The following DLG5 variants were observed in gnomAD, a reference collection of about 807,000 sequenced individuals.
DLG5 encodes the protein disks large homolog 5.
Under a neutral mutation model 189.8 loss-of-function variants are expected in DLG5, and 48 were observed. The observed-to-expected ratio is 0.25, with a 90% CI of 0.20 to 0.32. The LOEUF (loss-of-function observed/expected upper bound fraction) is 0.32. Among genes scored for constraint, DLG5 ranks in the 10% least tolerant of loss-of-function variants. The pLI, the probability that DLG5 is intolerant of heterozygous loss-of-function variation, is 1.00. For synonymous variants in DLG5, 1,016 were observed against 1,054.1 expected (o/e 0.96, Z 0.70); for missense variants, 2,160 against 2,544.7 (o/e 0.85, Z 3.25).
intron 7 of DLG5, among the ~76,000 whole-genome samples, chr10:77,838,593 G>C (rs1843263847): frequency 6.6e-6 from 1 of 152,196 alleles, no homozygotes; most frequent in South Asian, 2.1e-4. Context: ...AGGGAGAGAG[G>C]GCATAGAGAA....
chr10:77,896,610 G>T (rs183822035), intron 1 of DLG5, among the ~76,000 whole-genome samples: 5 of 151,162 alleles, frequency 3.3e-5, no homozygotes, highest in East Asian at 3.9e-4. Context: ...GGAGGCCAAG[G>T]GGGGGTGGAT....
intron 1 of DLG5, among the ~76,000 whole-genome samples, chr10:77,925,160 T>C (rs1025023136): frequency 6.6e-6 from 1 of 152,236 alleles, no homozygotes; most frequent in African/African-American, 2.4e-5. Flanking sequence ...CAATAGGTTA[T>C]AATTCAAAAT....
At chr10:77,880,962 CTTTTTTTTTTTTT>C (rs61636782) in intron 1 of DLG5, among the ~76,000 whole-genome samples, 12 of 73,238 alleles carry the variant, frequency 1.6e-4, no homozygotes, top group Admixed American at 1.0e-3. Context: ...AACCCTAGAC[CTTTTTTTTTTTTT>C]TTTTTTTTTT....
intron 1 of DLG5, among the ~76,000 whole-genome samples, chr10:77,889,020 G>C (rs1219535239): frequency 1.3e-5 from 2 of 150,368 alleles, no homozygotes; most frequent in Non-Finnish European, 3.0e-5. Context: ...GGCCTCACAA[G>C]CCCACAGGTA....
chr10:77,933,796 G>C, the DLG5 span, among the ~76,000 whole-genome samples: 2 of 151,938 alleles, frequency 1.3e-5, no homozygotes, highest in South Asian at 4.2e-4. Context: ...GCTCCCAAAA[G>C]ACAACCATGC....
At chr10:77,844,417 C>T (rs897519496) in intron 5 of DLG5, among the ~76,000 whole-genome samples, 1 of 152,194 alleles carries the variant, frequency 6.6e-6, no homozygotes, top group African/African-American at 2.4e-5. Context: ...TAAATGTCAG[C>T]CATTGAGTAT....
intron 5 of DLG5, among the ~76,000 whole-genome samples, chr10:77,845,604 GAAGAAGGGAAGGA>G (rs1183958283): frequency 2.0e-5 from 3 of 151,600 alleles, no homozygotes; most frequent in Non-Finnish European, 4.4e-5. Flanking sequence ...GGGAAGGAGG[GAAGAAGGGAAGGA>G]AGGAAGGAAG....
intron 27 of DLG5, 37 bp downstream of exon 27, chr10:77,805,628 C>G: frequency 1.3e-6 from 2 of 1,577,840 alleles, no homozygotes; most frequent in Non-Finnish European, 1.7e-6. Context: ...CAAGCCCCAT[C>G]TGGAGAGCCC....
In DLG5 at chr10:77,821,102, TCA is replaced by T; in HGVS notation, c.3380_3381del (p.Val1127AspfsTer44). The T allele has an allele frequency of 6.2e-7, 1 of 1,613,014 alleles. No homozygotes were observed. The highest frequency in any genetic ancestry group is 2.2e-5 in the East Asian group (1 of 44,870). On this transcript the variant is annotated frameshift_variant, in exon 15 of 32. Coordinates refer to ENST00000372391, the MANE Select transcript of DLG5 (RefSeq NM_004747.4). LOFTEE classifies it high-confidence loss of function. ...PSFRPKLAPVVIPAQFLEEQK... is the reference protein window; with the variant it reads ...PSFRPKLAPVXIPAQFLEEQK... ...TATACCTCCAGGAACTGAGCAGGAA[TCA>T]CTACTGGAGCAAGCTTCGGCCGAAA...
At chr10:77,837,442 G>C (rs988512803) in intron 7 of DLG5, among the ~76,000 whole-genome samples, 1 of 152,116 alleles carries the variant, frequency 6.6e-6, no homozygotes, top group African/African-American at 2.4e-5. Context: ...GGCAGCGCAG[G>C]AGGTGGGCAG....
chr10:77,899,675 G>C lies in DLG5; in HGVS notation c.304+26542C>G, dbSNP rs1845867393. Among the ~76,000 whole-genome samples, 5 of 152,144 alleles carry C rather than the reference G, an allele frequency of 3.3e-5. No homozygotes were observed. In the South Asian group the frequency reaches 1.0e-3, roughly 31 times the overall value. ...TTTCTCATGACCAGACTTGTGCTCA[G>C]CAAGTGTCCACTCCTATAGGTTCGC... On this transcript the variant is annotated intron_variant, in intron 1 of 31. Coordinates refer to ENST00000372391, the MANE Select transcript of DLG5 (RefSeq NM_004747.4).
chr10:77,829,181 A>G (rs1206843672), intron 12 of DLG5, among the ~76,000 whole-genome samples, 174 bp downstream of exon 12: 2 of 152,230 alleles, frequency 1.3e-5, no homozygotes, highest in Non-Finnish European at 2.9e-5. Flanking sequence ...ACACTCAGAA[A>G]GCAAGACTCA....
chr10:77,860,959 A>G (rs1844447755), intron 2 of DLG5, among the ~76,000 whole-genome samples: 1 of 152,246 alleles, frequency 6.6e-6, no homozygotes, highest in Non-Finnish European at 1.5e-5. Context: ...AAACTCCATT[A>G]TATATTGACA....
chr10:77,807,967 C>T (rs1284325271), intron 24 of DLG5, 23 bp from the exon 25 acceptor site: 1 of 1,613,108 alleles, frequency 6.2e-7, no homozygotes, highest in East Asian at 2.2e-5. Flanking sequence ...GGGGTGGATG[C>T]ATCAGAAGGC....
chr10:77,881,850 G>A (rs1845290314), intron 1 of DLG5, among the ~76,000 whole-genome samples: 1 of 152,234 alleles, frequency 6.6e-6, no homozygotes, highest in Non-Finnish European at 1.5e-5. Flanking sequence ...CACATGGCAT[G>A]AGCTGGGCAT....
At chr10:77,936,446 C>A in the DLG5 span, among the ~76,000 whole-genome samples, 18,765 of 49,000 alleles carry the variant, frequency 0.38, 2,004 homozygotes, top group Admixed American at 0.46. Flanking sequence ...CAAAACAAAA[C>A]AAAAAAAAAA....
chr10:77,930,834 T>TC (rs1846779809), upstream of DLG5, among the ~76,000 whole-genome samples: 1 of 147,770 alleles, frequency 6.8e-6, no homozygotes, highest in Admixed American at 6.8e-5. Context: ...TTTTTTTTTT[T>TC]TTTGAGACGG....
At chr10:77,932,219 G>C in the DLG5 span, among the ~76,000 whole-genome samples, 1 of 152,214 alleles carries the variant, frequency 6.6e-6, no homozygotes, top group African/African-American at 2.4e-5. Flanking sequence ...GTAGCAACAG[G>C]TTTTGAACAG....
chr10:77,897,358 A>AAAATAAATAAATAAAT (rs566516489), intron 1 of DLG5, among the ~76,000 whole-genome samples: 1 of 151,550 alleles, frequency 6.6e-6, no homozygotes, highest in African/African-American at 2.4e-5. Flanking sequence ...TCCATCTCCA[A>AAAATAAATAAATAAAT]AAATAAATAA....
Sources: allele counts gnomAD v4.1 joint callset (sites outside exome capture counted in the v4.1 genomes callset), GRCh38; gene constraint gnomAD v4.1.1; transcripts MANE v1.5; gene names NCBI Gene and HGNC (gene_info 2026-07-23, HGNC 2026-07-21).